Variants in CDC25B observed in about 807,000 individuals in gnomAD.
CDC25B encodes M-phase inducer phosphatase 2.
A neutral mutation model predicts 69.8 loss-of-function variants in CDC25B; 33 were observed. The ratio of observed to expected loss-of-function variants is 0.47; its 90% CI spans 0.36 to 0.63. CDC25B has a LOEUF of 0.63. CDC25B is among the 30% of genes least tolerant of loss of function. The pLI, the probability that CDC25B is intolerant of heterozygous loss-of-function variation, is 0.00. For missense variants in CDC25B, 727 were observed against 809.1 expected (o/e 0.90, Z 1.23); for synonymous variants, 341 against 314.6 (o/e 1.08, Z -0.89).
At chr20:3,799,843 C>A (rs902982925) in intron 3 of CDC25B, among the ~76,000 whole-genome samples, 4 of 152,124 alleles carry the variant, frequency 2.6e-5, no homozygotes, top group Non-Finnish European at 2.9e-5. Flanking sequence ...GAAGCCTAGC[C>A]TTGCTGTTGT....
Position 3,806,025 on chromosome 20 carries a change from A to C in CDC25B, c.*1064A>C, listed in dbSNP as rs1423031769. 2.5e-6 allele frequency: 1 copy of C among 398,272 alleles called. No homozygotes were observed. The highest frequency in any genetic ancestry group is 4.4e-6 in the Non-Finnish European group (1 of 225,966). 24.7% of individuals were successfully genotyped at this position (398,272 alleles called of 1,614,324 possible). On this transcript the variant is annotated 3_prime_UTR_variant, in exon 16 of 16. Transcript: ENST00000245960. ...GGACTGAGCACCCTCTGGATTCTGA[A>C]TCTCAAGATGGGGGCAGGGCTGTGC...
intron 10 of CDC25B, 80 bp from the exon 11 acceptor site, chr20:3,802,201 G>A (rs2089308960): frequency 6.4e-7 from 1 of 1,555,282 alleles, no homozygotes. Context: ...GGGCATGGCA[G>A]AGAAAGGGGG....
rs564791082 is a variant in CDC25B at position 3,802,894 on chromosome 20, C to T, written c.1195-16C>T. On this transcript the variant is annotated splice_polypyrimidine_tract_variant and intron_variant, in intron 11 of 15. Coordinates refer to ENST00000245960, the MANE Select transcript of CDC25B (RefSeq NM_021873.4). ...TAACTTTCTCCCCTCTCCCTCATCC[C>T]TTCCGTTCCCTTCAGGCCTTCCTCC... is the stretch of plus-strand genomic sequence containing the variant. 2 of 1,609,164 alleles carry T rather than the reference C, an allele frequency of 1.2e-6. No individual in the cohort carries two copies. Among genetic ancestry groups the T allele is most frequent in the Non-Finnish European group, 1.7e-6 (2 of 1,175,572 alleles).
At chr20:3,799,970 C>G (rs2089214156) in intron 3 of CDC25B, among the ~76,000 whole-genome samples, 1 of 152,278 alleles carries the variant, frequency 6.6e-6, no homozygotes, top group Non-Finnish European at 1.5e-5. Flanking sequence ...GGTGGAAGGC[C>G]TGGTGCAGGC....
At chr20:3,802,188 C>T in intron 10 of CDC25B, 88 bp downstream of exon 10, 1 of 1,548,280 alleles carries the variant, frequency 6.5e-7, no homozygotes. Context: ...CAGGTGGCAG[C>T]CTGGGCATGG....
At chr20:3,799,535 C>T (rs1055691856) in intron 3 of CDC25B, among the ~76,000 whole-genome samples, 2 of 142,674 alleles carry the variant, frequency 1.4e-5, no homozygotes, top group Non-Finnish European at 3.0e-5. Flanking sequence ...TGCGCGCGCG[C>T]GCGTAGATGC....
rs1191144061 is a variant in CDC25B at position 3,803,296 on chromosome 20, G to GC, written c.1356+95dup. On this transcript the variant is annotated intron_variant, in intron 13 of 15. Transcript: ENST00000245960. The surrounding 1 kb of genome is among the most constrained non-coding windows in gnomAD (Gnocchi z 4.9). The stretch of plus-strand genomic sequence containing the variant: ...GAGGGTGAATGGGTGGAGGACGGGT[G>GC]CCCCCTCTCATGGGGAGGGTTCCTA... The GC allele has an allele frequency of 8.9e-6, 14 of 1,574,800 alleles. No homozygotes were observed. In the African/African-American group the frequency reaches 1.8e-4, roughly 20 times the overall value.
Position 3,796,497 on chromosome 20 carries a change from G to A in CDC25B, c.-35G>A. ...GGCGTTTGTTGGCTGCCCTGCGCCC[G>A]GCCCTCCAGCCAGCCTTCTGCCGGC... On this transcript the variant is annotated 5_prime_UTR_variant, in exon 1 of 16. Coordinates refer to ENST00000245960, the MANE Select transcript of CDC25B (RefSeq NM_021873.4). 2 of 1,468,100 alleles carry A rather than the reference G, an allele frequency of 1.4e-6. No individual in the cohort carries two copies. The highest frequency in any genetic ancestry group is 1.8e-6 in the Non-Finnish European group (2 of 1,118,406). The allele number at this position is 1,468,100 out of a possible 1,614,324, so 90.9% of individuals were successfully genotyped here. A position where few individuals can be genotyped will look rare whatever the true frequency, so the allele number is the denominator to read the frequency against.
upstream of CDC25B, among the ~76,000 whole-genome samples, chr20:3,791,919 T>C (rs568230391): frequency 6.6e-6 from 1 of 152,336 alleles, no homozygotes; most frequent in South Asian, 2.1e-4. Context: ...TTTTTATTTA[T>C]TTATTTATTT....
Position 3,800,514 on chromosome 20 carries a change from G to T in CDC25B, c.459+16G>T. Reference sequence around the variant, plus strand: ...GTCTATGCCGGTGAGTGTCTTCGAGGCCTGACTGAGGCTTAGGCATGCTAG... The same window carrying T: ...GTCTATGCCGGTGAGTGTCTTCGAGTCCTGACTGAGGCTTAGGCATGCTAG... On this transcript the variant is annotated intron_variant, in intron 5 of 15. Coordinates refer to ENST00000245960, the MANE Select transcript of CDC25B (RefSeq NM_021873.4). 1.2e-6 allele frequency: 2 copies of T among 1,613,968 alleles called. No homozygotes were observed. Among genetic ancestry groups the T allele is most frequent in the Non-Finnish European group, 1.7e-6 (2 of 1,179,876 alleles).
chr20:3,799,905 T>C (rs1370263515), intron 3 of CDC25B, among the ~76,000 whole-genome samples: 1 of 152,048 alleles, frequency 6.6e-6, no homozygotes, highest in Admixed American at 6.5e-5. Context: ...TATCATAGGA[T>C]GGATGGATGC....
At chr20:3,790,140 A>C (rs2088890108) in intron 1 of CDC25B, among the ~76,000 whole-genome samples, 1 of 151,972 alleles carries the variant, frequency 6.6e-6, no homozygotes, top group South Asian at 2.1e-4. Context: ...TGGGTAACAA[A>C]CTTTGTTTTG....
chr20:3,799,773 C>G (rs1283451776), intron 3 of CDC25B, among the ~76,000 whole-genome samples: 1 of 152,100 alleles, frequency 6.6e-6, no homozygotes, highest in African/African-American at 2.4e-5. Context: ...TGGGGGAGCC[C>G]TAAAGCAGGC....
At chr20:3,799,194 TA>T (rs1454437626) in intron 3 of CDC25B, among the ~76,000 whole-genome samples, 1 of 152,202 alleles carries the variant, frequency 6.6e-6, no homozygotes, top group Non-Finnish European at 1.5e-5. Flanking sequence ...TGACTTGTCT[TA>T]CCTCCCATTG....
chr20:3,800,254 A>T (rs779052003), intron 3 of CDC25B, 34 bp from the exon 4 acceptor site: 2 of 1,515,258 alleles, frequency 1.3e-6, no homozygotes, highest in Admixed American at 3.5e-5. Context: ...GTGCGGAGGG[A>T]GCATGGGTTG....
chr20:3,799,456 C>G (rs1196014363), intron 3 of CDC25B, among the ~76,000 whole-genome samples: 1 of 151,986 alleles, frequency 6.6e-6, no homozygotes, highest in Non-Finnish European at 1.5e-5. Flanking sequence ...TGCACCTGCT[C>G]TGACAGTTAT....
At chr20:3,795,646 C>T, upstream of CDC25B, 1 of 926,222 alleles carries the variant, frequency 1.1e-6, no homozygotes, top group Non-Finnish European at 1.3e-6. Flanking sequence ...TAACATCTAA[C>T]CTGGGGTCCC....
chr20:3,793,315 G>A (rs550620867), upstream of CDC25B, among the ~76,000 whole-genome samples: 16 of 152,228 alleles, frequency 1.1e-4, no homozygotes, highest in Non-Finnish European at 1.8e-4. Flanking sequence ...AAATTGGCCA[G>A]GAATGGTGGC....
Position 3,797,663 on chromosome 20 carries a change from G to T in CDC25B, c.242G>T (p.Ser81Ile). ...CAGGTAGGGACCCTGCTCTTCCGCA[G>T]CCGCAGCCGCCTGACGCACCTATCC... ...KSQVGTLLFR[S>I]RSRLTHLSLS... The change falls in exon 2 of 16, where the codon AGC (serine) becomes ATC (isoleucine). Residue 81 changes from serine to isoleucine, a missense_variant. This residue lies in a region of CDC25B where 368 missense variants were observed against 345.6 expected (regional missense o/e 1.06). Coordinates refer to ENST00000245960, the MANE Select transcript of CDC25B (RefSeq NM_021873.4). The T allele has an allele frequency of 2.5e-6, 4 of 1,614,094 alleles. No individual in the cohort carries two copies. Among genetic ancestry groups the T allele is most frequent in the Non-Finnish European group, 2.5e-6 (3 of 1,180,010 alleles).
Sources: allele counts gnomAD v4.1 joint callset (sites outside exome capture counted in the v4.1 genomes callset), GRCh38; gene constraint gnomAD v4.1.1; regional missense constraint gnomAD v4.1.1; non-coding constraint Gnocchi (gnomAD v3.1); transcripts MANE v1.5; gene names NCBI Gene and HGNC (gene_info 2026-07-23, HGNC 2026-07-21).